Variants in CELF5 observed in about 807,000 individuals in gnomAD.
CELF5 encodes CUGBP Elav-like family member 5, also known as CUG-BP and ETR-3 like factor 5.
Under a neutral mutation model 54.9 loss-of-function variants are expected in CELF5, and 6 were observed. The ratio of observed to expected loss-of-function variants is 0.11; its 90% CI spans 0.06 to 0.22. The LOEUF is 0.22. Ranked by LOEUF, CELF5 falls within the 10% of genes least tolerant of loss-of-function variation. The pLI is 1.00. For synonymous variants in CELF5, 271 were observed against 290.9 expected (o/e 0.93, Z 0.70); for missense variants, 401 against 678.6 (o/e 0.59, Z 4.54).
At chr19:3,273,557 C>T (rs114869497) in intron 2 of CELF5, among the ~76,000 whole-genome samples, 161 of 152,252 alleles carry the variant, frequency 1.1e-3, no homozygotes, top group African/African-American at 3.5e-3. Flanking sequence ...GACTCTAGTT[C>T]TTGATGGTAG....
chr19:3,292,385 G>A (rs2080366322), intron 11 of CELF5, among the ~76,000 whole-genome samples: 2 of 151,150 alleles, frequency 1.3e-5, no homozygotes, highest in African/African-American at 4.9e-5. Flanking sequence ...CCAGGCTCAA[G>A]CGATTCTCCT....
rs1458655036 is a variant in CELF5 at position 3,268,920 on chromosome 19, G to A, written c.343-4952G>A. Among the ~76,000 whole-genome samples the A allele has an allele frequency of 1.3e-5, 2 of 152,062 alleles. No individual in the cohort carries two copies. Among genetic ancestry groups the A allele is most frequent in the African/African-American group, 2.4e-5 (1 of 41,400 alleles). ...AGGGGGCCATGGCAGGAGGAGCGGGGAGGAATGACTGGGGCTGAGCAGCAA... is the reference window on the plus strand; with the variant it reads ...AGGGGGCCATGGCAGGAGGAGCGGGAAGGAATGACTGGGGCTGAGCAGCAA... On this transcript the variant is annotated intron_variant, in intron 2 of 12. Coordinates refer to ENST00000292672, the MANE Select transcript of CELF5 (RefSeq NM_021938.4). This position sits in a 1 kb window ranked among gnomAD's most constrained non-coding sequence, Gnocchi z 4.4.
chr19:3,233,809 A>C (rs1449792012), intron 1 of CELF5, among the ~76,000 whole-genome samples: 11 of 152,194 alleles, frequency 7.2e-5, no homozygotes, highest in Admixed American at 3.9e-4. Flanking sequence ...GGGGAGGGAC[A>C]GGGTCTCTCA....
rs566874046 is a variant in CELF5 at position 3,247,741 on chromosome 19, A to G, written c.260-3244A>G. Among the ~76,000 whole-genome samples, 4 of 152,136 alleles carry G rather than the reference A, an allele frequency of 2.6e-5. No individual in the cohort carries two copies. In the South Asian group the frequency reaches 6.2e-4, roughly 24 times the overall value. The stretch of plus-strand genomic sequence containing the variant: ...CAATGTTTATTGTGGTGATATATGC[A>G]TAATATGAAATGTACCGTTAAAAAA... On this transcript the variant is annotated intron_variant, in intron 1 of 12. Coordinates refer to ENST00000292672, the MANE Select transcript of CELF5 (RefSeq NM_021938.4).
At chr19:3,286,234 T>A (rs1568363861) in intron 10 of CELF5, 7 of 505,084 alleles carry the variant, frequency 1.4e-5, no homozygotes, top group Non-Finnish European at 2.4e-5. Flanking sequence ...AGAACCATGC[T>A]CGCCCCGACC....
At chr19:3,284,326 C>T (rs1004694950) in intron 8 of CELF5, among the ~76,000 whole-genome samples, 4 of 152,156 alleles carry the variant, frequency 2.6e-5, no homozygotes, top group African/African-American at 9.7e-5. Context: ...CAGTCACCAC[C>T]ACTATCCCCT....
At chr19:3,267,554 G>A (rs1489052587) in intron 2 of CELF5, among the ~76,000 whole-genome samples, 1 of 152,210 alleles carries the variant, frequency 6.6e-6, no homozygotes, top group Non-Finnish European at 1.5e-5. Context: ...CACTGGGACA[G>A]TGCGGGGAGG....
rs780617283 is a variant in CELF5 at position 3,282,090 on chromosome 19, G to A, written c.751-36G>A. 1 of 1,613,132 alleles carries A rather than the reference G, an allele frequency of 6.2e-7. No individual in the cohort carries two copies. Among genetic ancestry groups the A allele is most frequent in the South Asian group, 1.1e-5 (1 of 91,076 alleles). On this transcript the variant is annotated intron_variant, in intron 6 of 12. Transcript: ENST00000292672. This position sits in a 1 kb window ranked among gnomAD's most constrained non-coding sequence, Gnocchi z 5.2. ...CCTCATAAGCCATGATCTCAGGGCA[G>A]ATATCACCCCAACTGTGACATGTCT...
At chr19:3,280,880 G>C (rs1445075575) in intron 5 of CELF5, among the ~76,000 whole-genome samples, 1 of 152,174 alleles carries the variant, frequency 6.6e-6, no homozygotes, top group African/African-American at 2.4e-5. Flanking sequence ...CTCCAGCTGT[G>C]CCTCCCTGTT....
chr19:3,263,738 C>T (rs993453113), intron 2 of CELF5, among the ~76,000 whole-genome samples: 9 of 151,526 alleles, frequency 5.9e-5, no homozygotes, highest in African/African-American at 2.2e-4. Context: ...AACCCCGTCT[C>T]TACTAAAAAT....
At position 3,278,978 on chromosome 19, in the gene CELF5, G is replaced by A. The variant is rs2080103864; in HGVS notation, c.603+868G>A. 6.6e-6 allele frequency among the ~76,000 whole-genome samples: 1 copy of A among 152,170 alleles called. No individual in the cohort carries two copies. The highest frequency in any genetic ancestry group is 2.4e-5 in the African/African-American group (1 of 41,434). ...GCTGAGAAGCCTGGACTTTCTCCTA[G>A]GGCAGTGGGGAGCCACAGACGGTTT... On this transcript the variant is annotated intron_variant, in intron 5 of 12. Coordinates refer to ENST00000292672, the MANE Select transcript of CELF5 (RefSeq NM_021938.4). This position sits in a 1 kb window ranked among gnomAD's most constrained non-coding sequence, Gnocchi z 4.5.
At chr19:3,241,037 G>A (rs1442685888) in intron 1 of CELF5, among the ~76,000 whole-genome samples, 1 of 151,614 alleles carries the variant, frequency 6.6e-6, no homozygotes, top group East Asian at 1.9e-4. Context: ...TGTGTGCAGT[G>A]CATTGTCTAT....
At position 3,278,164 on chromosome 19, in the gene CELF5, G is replaced by T; in HGVS notation, c.603+54G>T. 1 of 1,120,626 alleles carries T rather than the reference G, an allele frequency of 8.9e-7. No individual in the cohort carries two copies. The highest frequency in any genetic ancestry group is 1.3e-6 in the Non-Finnish European group (1 of 760,836). 69.4% of individuals were successfully genotyped at this position (1,120,626 alleles called of 1,614,324 possible). ...GGTGGGGGTGGGAAAGGGGTGAGGG[G>T]GACAGGGATGAAACAGGCCATATTC... On this transcript the variant is annotated intron_variant, in intron 5 of 12. Coordinates refer to ENST00000292672, the MANE Select transcript of CELF5 (RefSeq NM_021938.4). This position sits in a 1 kb window ranked among gnomAD's most constrained non-coding sequence, Gnocchi z 4.5.
intron 1 of CELF5, among the ~76,000 whole-genome samples, chr19:3,239,756 G>T (rs979321986): frequency 6.6e-6 from 1 of 151,824 alleles, no homozygotes; most frequent in Non-Finnish European, 1.5e-5. Context: ...GCCCTCTGGG[G>T]TAGTCTTCAC....
intron 2 of CELF5, among the ~76,000 whole-genome samples, chr19:3,267,699 C>G: frequency 6.6e-6 from 1 of 152,226 alleles, no homozygotes; most frequent in Non-Finnish European, 1.5e-5. Flanking sequence ...TGCTGCTCAT[C>G]TGATTGCCCT....
At chr19:3,273,839 A>G in intron 2 of CELF5, 33 bp from the exon 3 acceptor site, 1 of 1,598,034 alleles carries the variant, frequency 6.3e-7, no homozygotes. Context: ...CCCACTGCTA[A>G]GCTTGACTTT....
At chr19:3,264,574 C>T (rs528309637) in intron 2 of CELF5, among the ~76,000 whole-genome samples, 1 of 151,908 alleles carries the variant, frequency 6.6e-6, no homozygotes. Context: ...CGCCACCACG[C>T]CCGGCTAATG....
intron 2 of CELF5, among the ~76,000 whole-genome samples, chr19:3,271,159 G>A (rs1029690646): frequency 6.6e-6 from 1 of 151,872 alleles, no homozygotes; most frequent in African/African-American, 2.4e-5. Context: ...GGTGCTGGGA[G>A]GGGGGAGGAG....
At chr19:3,279,406 C>A (rs546383538) in intron 5 of CELF5, among the ~76,000 whole-genome samples, 6 of 152,278 alleles carry the variant, frequency 3.9e-5, no homozygotes, top group East Asian at 3.9e-4. Context: ...CTGAGAGGAA[C>A]AAGCCACCTC....
Sources: allele counts gnomAD v4.1 joint callset (sites outside exome capture counted in the v4.1 genomes callset), GRCh38; gene constraint gnomAD v4.1.1; non-coding constraint Gnocchi (gnomAD v3.1); transcripts MANE v1.5; gene names NCBI Gene and HGNC (gene_info 2026-07-23, HGNC 2026-07-21).